Variants in ZRANB3 observed in about 807,000 individuals in gnomAD.
ZRANB3 encodes the protein zinc finger RANBP2-type containing 3.
A neutral mutation model predicts 133.8 loss-of-function variants in ZRANB3; 125 were observed. The ratio of observed to expected loss-of-function variants is 0.93; its 90% CI spans 0.81 to 1.08. The LOEUF is 1.08. Among genes scored for constraint, ZRANB3 ranks in the 50% least tolerant of loss-of-function variants. ZRANB3 has a pLI of 0.00. For missense variants in ZRANB3, 1,229 were observed against 1,275.5 expected (o/e 0.96, Z 0.56); for synonymous variants, 387 against 432.7 (o/e 0.89, Z 1.31).
At chr2:135,243,241 C>T (rs1036948670) in intron 12 of ZRANB3, among the ~76,000 whole-genome samples, 2 of 152,172 alleles carry the variant, frequency 1.3e-5, no homozygotes, top group Admixed American at 6.5e-5. Context: ...AGAGGCTGGG[C>T]GCGGTGGCTC....
chr2:135,345,937 T>G (rs2104866997), intron 5 of ZRANB3, among the ~76,000 whole-genome samples: 1 of 152,310 alleles, frequency 6.6e-6, no homozygotes, highest in Non-Finnish European at 1.5e-5. Flanking sequence ...ACACTTAAAT[T>G]ACACGTGTCT....
intron 12 of ZRANB3, among the ~76,000 whole-genome samples, chr2:135,242,443 G>T (rs1338429852): frequency 6.6e-6 from 1 of 151,788 alleles, no homozygotes; most frequent in Non-Finnish European, 1.5e-5. Context: ...TAGACACTCA[G>T]TAGGTACTTT....
chr2:135,312,267 T>C (rs1683032410), intron 8 of ZRANB3, among the ~76,000 whole-genome samples: 1 of 151,660 alleles, frequency 6.6e-6, no homozygotes, highest in Non-Finnish European at 1.5e-5. Flanking sequence ...GGCACAATCA[T>C]AGCTCACTGT....
chr2:135,273,827 G>A (rs1319667095), intron 9 of ZRANB3, among the ~76,000 whole-genome samples: 1 of 152,056 alleles, frequency 6.6e-6, no homozygotes, highest in Non-Finnish European at 1.5e-5. Context: ...GTGAGCCACC[G>A]CACCTGGCCT....
intron 6 of ZRANB3, among the ~76,000 whole-genome samples, chr2:135,332,326 A>G (rs1445890028): frequency 2.0e-5 from 3 of 152,248 alleles, no homozygotes; most frequent in African/African-American, 7.2e-5. Flanking sequence ...ATTCTTTTAG[A>G]ACATGACAGA....
intron 2 of ZRANB3, among the ~76,000 whole-genome samples, chr2:135,450,011 G>C (rs1428689740): frequency 6.6e-6 from 1 of 152,102 alleles, no homozygotes. Flanking sequence ...CAAAGTGCTG[G>C]GATTGCAGGC....
At chr2:135,464,740 T>C (rs1312828448) in intron 2 of ZRANB3, among the ~76,000 whole-genome samples, 5 of 152,290 alleles carry the variant, frequency 3.3e-5, no homozygotes, top group Middle Eastern at 6.8e-3. Context: ...AACTAAGCCA[T>C]GTACGTATTC....
At chr2:135,514,125 CTCT>C (rs1428556827) in intron 1 of ZRANB3, among the ~76,000 whole-genome samples, 3 of 152,120 alleles carry the variant, frequency 2.0e-5, no homozygotes, top group East Asian at 1.9e-4. Flanking sequence ...GCTATACGGG[CTCT>C]TTTTTGGTTC....
chr2:135,472,414 G>C (rs1357271119), intron 2 of ZRANB3, among the ~76,000 whole-genome samples: 145 of 151,782 alleles, frequency 9.6e-4, no homozygotes, highest in Middle Eastern at 6.9e-3. Flanking sequence ...GCAGGAGAAT[G>C]GCGTGAACCC....
chr2:135,314,425 A>T (rs1683157026), intron 7 of ZRANB3, among the ~76,000 whole-genome samples: 1 of 152,226 alleles, frequency 6.6e-6, no homozygotes, highest in African/African-American at 2.4e-5. Context: ...CTCAATGTTT[A>T]CAAAATGCTT....
intron 8 of ZRANB3, among the ~76,000 whole-genome samples, chr2:135,283,931 A>G (rs940819462): frequency 3.9e-5 from 6 of 151,988 alleles, no homozygotes; most frequent in African/African-American, 1.5e-4. Context: ...GCAGTGAGCC[A>G]TGATCACACC....
At chr2:135,336,051 T>C (rs879706407) in intron 6 of ZRANB3, among the ~76,000 whole-genome samples, 5 of 152,222 alleles carry the variant, frequency 3.3e-5, no homozygotes, top group Admixed American at 6.5e-5. Flanking sequence ...ACTGAGTATG[T>C]TGCCTTCTCC....
At chr2:135,323,533 G>A (rs926984539) in intron 6 of ZRANB3, among the ~76,000 whole-genome samples, 2 of 152,048 alleles carry the variant, frequency 1.3e-5, no homozygotes, top group Non-Finnish European at 1.5e-5. Context: ...CCTAAATACT[G>A]AACTATCAAA....
In ZRANB3 at chr2:135,312,478, GTATT is replaced by G. The variant is rs1683043117; in HGVS notation, c.966+1007_966+1010del. Among the ~76,000 whole-genome samples, 5 of 152,198 alleles carry G rather than the reference GTATT, an allele frequency of 3.3e-5. No homozygotes were observed. The South Asian group carries it at 1.0e-3, about 32-fold the overall frequency. On this transcript the variant is annotated intron_variant, in intron 8 of 20. Transcript: ENST00000264159. ...GAATCAAGAGGGGTGACACTCGTCA[GTATT>G]TACAGGTTCTACCATGGTGGTAAAA...
chr2:135,428,129 G>A (rs1007277632), intron 2 of ZRANB3, among the ~76,000 whole-genome samples: 4 of 152,192 alleles, frequency 2.6e-5, no homozygotes, highest in African/African-American at 9.6e-5. Context: ...ATACAATTCT[G>A]GACATAGGCC....
At chr2:135,362,023 C>T (rs1022380837) in intron 3 of ZRANB3, among the ~76,000 whole-genome samples, 1 of 151,888 alleles carries the variant, frequency 6.6e-6, no homozygotes, top group Non-Finnish European at 1.5e-5. Context: ...ACAGTGAAAC[C>T]TTATCTCTAC....
intron 2 of ZRANB3, among the ~76,000 whole-genome samples, chr2:135,415,235 G>A (rs1040006405): frequency 2.0e-5 from 3 of 151,336 alleles, no homozygotes; most frequent in Non-Finnish European, 2.9e-5. Flanking sequence ...AAAAAAGAGA[G>A]AAGAATCAAA....
intron 2 of ZRANB3, among the ~76,000 whole-genome samples, chr2:135,453,760 T>C (rs1298998225): frequency 6.6e-6 from 1 of 152,238 alleles, no homozygotes; most frequent in African/African-American, 2.4e-5. Flanking sequence ...AACAAATCTC[T>C]AGGAGGTTCC....
Position 135,400,527 on chromosome 2 carries a change from G to A in ZRANB3, c.162-9707C>T, listed in dbSNP as rs935250927. Among the ~76,000 whole-genome samples the A allele has an allele frequency of 8.6e-4, 130 of 151,952 alleles. 1 individual carries two copies. Among genetic ancestry groups the A allele is most frequent in the Non-Finnish European group, 5.1e-4 (35 of 67,966 alleles). ...TCACCATGTTGGCCAGGCTGGTCTC[G>A]AACTCCTGACCTCATGATCTGTCCA... On this transcript the variant is annotated intron_variant, in intron 2 of 20. Coordinates refer to ENST00000264159, the MANE Select transcript of ZRANB3 (RefSeq NM_032143.4).
Sources: gnomAD v4.1 joint callset for allele counts (sites outside exome capture counted in the v4.1 genomes callset) on GRCh38, gnomAD v4.1.1 for gene constraint, MANE v1.5 for transcripts, NCBI Gene and HGNC (gene_info 2026-07-23, HGNC 2026-07-21) for gene names.